The following TBC1D22A variants were observed in gnomAD, a reference collection of about 807,000 sequenced individuals.
TBC1D22A encodes TBC1 domain family member 22A.
In TBC1D22A, 38 loss-of-function variants were observed where a neutral mutation model predicts 60.2. The ratio of observed to expected loss-of-function variants is 0.63; its 90% CI spans 0.49 to 0.83. The LOEUF is 0.83. Among genes scored for constraint, TBC1D22A ranks in the 40% least tolerant of loss-of-function variants. The pLI is 0.00. For missense variants in TBC1D22A, 628 were observed against 701.0 expected, an observed-to-expected ratio of 0.90 and a Z score of 1.18; for synonymous variants, 302 against 281.7, an observed-to-expected ratio of 1.07 and a Z score of -0.72.
rs9627592 is a variant in TBC1D22A, at chr22:46,845,893, C to T, written c.638-32760C>T. Among the ~76,000 whole-genome samples, 1,251 of 152,304 alleles carry T rather than the reference C, an allele frequency of 8.2e-3. 16 individuals are homozygous for T. Among genetic ancestry groups the T allele is most frequent in the African/African-American group, 0.029 (1,205 of 41,556 alleles). ...GTCGCCAGCCCTCAGGAAGGAACCG[C>T]GGCGAGCCGATTCCAGGAGGAGGAT... is the stretch of plus-strand genomic sequence containing the variant. On this transcript the variant is annotated intron_variant, in intron 4 of 12. Coordinates refer to ENST00000337137, the MANE Select transcript of TBC1D22A (RefSeq NM_014346.5).
chr22:46,973,091 G>T (rs889879906), intron 8 of TBC1D22A, among the ~76,000 whole-genome samples: 1 of 152,214 alleles, frequency 6.6e-6, no homozygotes, highest in Non-Finnish European at 1.5e-5. Flanking sequence ...GTCTCTTCCA[G>T]TCACACACTT....
intron 11 of TBC1D22A, among the ~76,000 whole-genome samples, chr22:47,097,650 A>C (rs1017842280): frequency 6.6e-6 from 1 of 152,178 alleles, no homozygotes; most frequent in Admixed American, 6.5e-5. Flanking sequence ...TGCATTGAAC[A>C]TATCAATTAA....
chr22:46,929,968 C>T (rs1358014257), intron 8 of TBC1D22A, among the ~76,000 whole-genome samples: 1 of 152,116 alleles, frequency 6.6e-6, no homozygotes, highest in Non-Finnish European at 1.5e-5. Flanking sequence ...CAGTTTGGGC[C>T]ATTTTATGGA....
chr22:47,118,553 G>C (rs1273549621), intron 12 of TBC1D22A, among the ~76,000 whole-genome samples: 1 of 152,114 alleles, frequency 6.6e-6, no homozygotes, highest in Admixed American at 6.5e-5. Context: ...AGTAAACTAA[G>C]CCTTTAACCA....
intron 11 of TBC1D22A, among the ~76,000 whole-genome samples, chr22:47,065,653 T>TGGCGGCA (rs2063735172): frequency 1.3e-5 from 2 of 152,272 alleles, no homozygotes; most frequent in Admixed American, 6.5e-5. Flanking sequence ...CTGGGTTGGA[T>TGGCGGCA]TGAGGGAGAC....
chr22:46,939,518 C>A (rs932767694), intron 8 of TBC1D22A, among the ~76,000 whole-genome samples: 8 of 152,076 alleles, frequency 5.3e-5, no homozygotes, highest in African/African-American at 1.9e-4. Flanking sequence ...AAATTTGGTA[C>A]ACTTAGTAAA....
At chr22:47,067,762 GCA>G (rs146001827) in intron 11 of TBC1D22A, among the ~76,000 whole-genome samples, 2 of 152,138 alleles carry the variant, frequency 1.3e-5, no homozygotes, top group African/African-American at 2.4e-5. Flanking sequence ...GAGTGTGCGT[GCA>G]CACACACACA....
chr22:46,794,511 G>T (rs1380573813), intron 3 of TBC1D22A, among the ~76,000 whole-genome samples: 3 of 152,340 alleles, frequency 2.0e-5, no homozygotes, highest in African/African-American at 4.8e-5. Context: ...TGGAAAAGCT[G>T]CATGGTTGTG....
intron 2 of TBC1D22A, 168 bp downstream of exon 2, chr22:46,792,744 C>T (rs1431363123): frequency 1.3e-6 from 2 of 1,499,430 alleles, no homozygotes; most frequent in Admixed American, 4.3e-5. Context: ...ATACTGTGCA[C>T]CCCGTGCTGC....
At chr22:47,143,159 C>A (rs1447252596) in intron 12 of TBC1D22A, among the ~76,000 whole-genome samples, 1 of 152,052 alleles carries the variant, frequency 6.6e-6, no homozygotes, top group African/African-American at 2.4e-5. Flanking sequence ...TCTCTCTCTC[C>A]CAGAAGGGGA....
At chr22:46,904,683 G>T (rs547156107) in intron 7 of TBC1D22A, among the ~76,000 whole-genome samples, 1 of 151,268 alleles carries the variant, frequency 6.6e-6, no homozygotes, top group Non-Finnish European at 1.5e-5. Flanking sequence ...GGTCAGGCTG[G>T]TCTTGAACTC....
intron 1 of TBC1D22A, among the ~76,000 whole-genome samples, chr22:46,764,818 C>G (rs1016961422): frequency 1.3e-5 from 2 of 152,182 alleles, no homozygotes; most frequent in African/African-American, 4.8e-5. Flanking sequence ...CCACCAGAAG[C>G]TAGAAGAGGC....
intron 4 of TBC1D22A, among the ~76,000 whole-genome samples, chr22:46,844,495 T>A (rs2086907715): frequency 6.6e-6 from 1 of 152,168 alleles, no homozygotes; most frequent in South Asian, 2.1e-4. Context: ...GTGTGCCAGA[T>A]GTCTGTGTGG....
At chr22:47,093,367 G>T (rs2065053695) in intron 11 of TBC1D22A, among the ~76,000 whole-genome samples, 2 of 152,032 alleles carry the variant, frequency 1.3e-5, no homozygotes, top group Non-Finnish European at 2.9e-5. Flanking sequence ...TTTTGAGTTT[G>T]ATTCTTAGCT....
In TBC1D22A at chr22:47,054,877, G is replaced by A. The variant is rs553662411; in HGVS notation, c.1329+17679G>A. 7.2e-5 allele frequency among the ~76,000 whole-genome samples: 11 copies of A among 152,322 alleles called. No homozygotes were observed. The South Asian group carries it at 2.3e-3, about 32-fold the overall frequency. ...GTAAACAGCAGAAATGTCGTGGTGT[G>A]TAGGGCACAGACCGTGGGGTGTGGG... On this transcript the variant is annotated intron_variant, in intron 11 of 12. Coordinates refer to ENST00000337137, the MANE Select transcript of TBC1D22A (RefSeq NM_014346.5).
intron 10 of TBC1D22A, among the ~76,000 whole-genome samples, chr22:47,014,374 A>G (rs1050408044): frequency 1.3e-5 from 2 of 152,266 alleles, no homozygotes; most frequent in Middle Eastern, 3.4e-3. Flanking sequence ...GATGACTCCC[A>G]TAGCCGCAGG....
At chr22:47,108,981 C>A (rs1017530021) in intron 11 of TBC1D22A, among the ~76,000 whole-genome samples, 6 of 152,324 alleles carry the variant, frequency 3.9e-5, no homozygotes, top group Admixed American at 3.9e-4. Context: ...AGGCGTGAGC[C>A]ACTGCACCCG....
intron 7 of TBC1D22A, among the ~76,000 whole-genome samples, chr22:46,908,163 T>A (rs933597463): frequency 6.6e-6 from 1 of 152,096 alleles, no homozygotes. Context: ...ATGGGGGTGT[T>A]AGCAGGAAGA....
chr22:46,836,369 G>C (rs1016043524), intron 4 of TBC1D22A, among the ~76,000 whole-genome samples: 11 of 152,208 alleles, frequency 7.2e-5, no homozygotes, highest in Non-Finnish European at 1.3e-4. Context: ...TAAAGTTTTT[G>C]TGTGCGATTG....
Sources: gnomAD v4.1 joint callset for allele counts (sites outside exome capture counted in the v4.1 genomes callset) on GRCh38, gnomAD v4.1.1 for gene constraint, MANE v1.5 for transcripts, NCBI Gene and HGNC (gene_info 2026-07-23, HGNC 2026-07-21) for gene names.